PREPL: variants seen among roughly 807,000 people sequenced by gnomAD.
PREPL encodes the protein prolyl endopeptidase like, also known as prolyl endopeptidase-like.
In PREPL, 77 loss-of-function variants were observed where a neutral mutation model predicts 70.6. That is an observed-to-expected ratio of 1.09 (90% CI 0.91 to 1.32). The LOEUF is 1.32. Ranked by LOEUF, PREPL falls within the 40% of genes most tolerant of loss-of-function variation. The pLI, the probability that PREPL is intolerant of heterozygous loss-of-function variation, is 0.00. For missense variants in PREPL, 1,002 were observed against 778.2 expected, an observed-to-expected ratio of 1.29 and a Z score of -3.42; for synonymous variants, 315 against 264.8, an observed-to-expected ratio of 1.19 and a Z score of -1.84.
chr2:44,326,239 C>T (rs972532445), intron 10 of PREPL, among the ~76,000 whole-genome samples: 16 of 152,106 alleles, frequency 1.1e-4, no homozygotes, highest in African/African-American at 2.9e-4. Context: ...ATAAAGAACA[C>T]TGTATCAGAG....
chr2:44,348,392 T>C (rs1558513752), intron 1 of PREPL, among the ~76,000 whole-genome samples: 1 of 152,336 alleles, frequency 6.6e-6, no homozygotes, highest in South Asian at 2.1e-4. Context: ...AACTGTAAAA[T>C]AGCAATAGGA....
intron 4 of PREPL, 128 bp from the exon 5 acceptor site, chr2:44,342,680 A>C: frequency 1.4e-6 from 1 of 740,018 alleles, no homozygotes; most frequent in East Asian, 2.7e-5. Flanking sequence ...GGAAATCTAA[A>C]TATTTGACTG....
intron 10 of PREPL, among the ~76,000 whole-genome samples, chr2:44,324,023 A>T (rs577688761): frequency 1.9e-4 from 29 of 152,384 alleles, no homozygotes; most frequent in Non-Finnish European, 4.0e-4. Context: ...AAGCAACTCA[A>T]GTGTCCATTA....
At position 44,327,638 on chromosome 2, in the gene PREPL, G is replaced by A. The variant is rs527590637; in HGVS notation, c.1263-710C>T. On this transcript the variant is annotated intron_variant, in intron 9 of 13. Coordinates refer to ENST00000409411, the MANE Select transcript of PREPL (RefSeq NM_001171613.2). ...CATTTTGGTAGGCTGAGGTGAGCAG[G>A]TCACTTGAGGTCAGGAGTTTGAGAC... 2.6e-5 allele frequency among the ~76,000 whole-genome samples: 4 copies of A among 152,196 alleles called. No individual in the cohort carries two copies. In the East Asian group the frequency reaches 5.8e-4, roughly 22 times the overall value.
chr2:44,353,400 C>T (rs960575576), intron 1 of PREPL, among the ~76,000 whole-genome samples: 1 of 151,882 alleles, frequency 6.6e-6, no homozygotes, highest in Non-Finnish European at 1.5e-5. Context: ...GCCTGGCCAA[C>T]ATGGTGAAAC....
At chr2:44,331,785 G>A (rs1402074466) in intron 8 of PREPL, among the ~76,000 whole-genome samples, 1 of 152,102 alleles carries the variant, frequency 6.6e-6, no homozygotes, top group African/African-American at 2.4e-5. Context: ...TGCTCCATGA[G>A]GGCAGGGACT....
chr2:44,333,858 C>T (rs996050223), intron 7 of PREPL, among the ~76,000 whole-genome samples: 1 of 152,124 alleles, frequency 6.6e-6, no homozygotes, highest in African/African-American at 2.4e-5. Context: ...AGCACTGCTA[C>T]AAACCTCATA....
At chr2:44,331,171 G>A (rs906134833) in intron 8 of PREPL, among the ~76,000 whole-genome samples, 2 of 152,104 alleles carry the variant, frequency 1.3e-5, no homozygotes, top group Non-Finnish European at 2.9e-5. Flanking sequence ...TCTAACTTCT[G>A]GGCTCAAGTG....
intron 7 of PREPL, among the ~76,000 whole-genome samples, chr2:44,335,412 A>G (rs1168105053): frequency 6.6e-6 from 1 of 152,200 alleles, no homozygotes; most frequent in African/African-American, 2.4e-5. Flanking sequence ...TCTTATTCAT[A>G]CAGACTGAAA....
At chr2:44,337,116 T>C (rs964253712) in intron 7 of PREPL, among the ~76,000 whole-genome samples, 21 of 152,300 alleles carry the variant, frequency 1.4e-4, no homozygotes, top group African/African-American at 4.8e-4. Flanking sequence ...CAGAAATGTA[T>C]AGCGCTTTAA....
intron 1 of PREPL, among the ~76,000 whole-genome samples, chr2:44,347,740 C>A (rs1287770566): frequency 6.6e-6 from 1 of 152,200 alleles, no homozygotes; most frequent in Non-Finnish European, 1.5e-5. Context: ...AGAGGGGGGA[C>A]TTAAGTCTTT....
chr2:44,353,163 A>T (rs1053708756), intron 1 of PREPL, among the ~76,000 whole-genome samples: 5 of 152,214 alleles, frequency 3.3e-5, no homozygotes, highest in African/African-American at 7.2e-5. Flanking sequence ...ATTAAAAAAG[A>T]AAGGTACTGT....
chr2:44,339,081 A>G lies in PREPL; in HGVS notation c.702+66T>C, dbSNP rs1674941349. The G allele has an allele frequency of 6.9e-6, 11 of 1,586,268 alleles. No individual in the cohort carries two copies. In the Admixed American group the frequency reaches 8.7e-5, roughly 13 times the overall value. Reference sequence around the variant, plus strand: ...AAACAATGAGCTCTTGGAGCAAGAAATGTTGTTGATCGAAGTGTGACACTT... The same window carrying G: ...AAACAATGAGCTCTTGGAGCAAGAAGTGTTGTTGATCGAAGTGTGACACTT... On this transcript the variant is annotated intron_variant, in intron 6 of 13. Transcript: ENST00000409411.
chr2:44,324,890 AAAAACAAAAC>A (rs1009384860), intron 10 of PREPL, among the ~76,000 whole-genome samples: 5 of 152,194 alleles, frequency 3.3e-5, no homozygotes, highest in African/African-American at 9.7e-5. Context: ...CTCTGACTCA[AAAAACAAAAC>A]AAAACAAAAC....
At chr2:44,333,737 G>C (rs1674356855) in intron 7 of PREPL, among the ~76,000 whole-genome samples, 1 of 152,102 alleles carries the variant, frequency 6.6e-6, no homozygotes, top group African/African-American at 2.4e-5. Context: ...AGGATAACTT[G>C]TCTATTTAAA....
chr2:44,345,057 TAC>T (rs544059325), intron 2 of PREPL, among the ~76,000 whole-genome samples: 3 of 152,196 alleles, frequency 2.0e-5, no homozygotes, highest in Non-Finnish European at 4.4e-5. Context: ...CCAACAACTA[TAC>T]ACAGTCTTGA....
chr2:44,361,006 C>T (rs1001747984), intron 1 of PREPL, among the ~76,000 whole-genome samples: 2 of 152,048 alleles, frequency 1.3e-5, no homozygotes, highest in African/African-American at 4.8e-5. Flanking sequence ...GGGAGCAACA[C>T]TAGTTTACTA....
chr2:44,328,983 G>C lies in PREPL; in HGVS notation c.1216C>G (p.Arg406Gly). The change falls in exon 9 of 14, where the codon CGG becomes GGG. Residue 406 changes from arginine to glycine, a missense_variant. Transcript: ENST00000409411. ...DLKMNFRPER[R>G]VLVDDGWILA... ...ATCCATCCATCATCCACCAGGACCC[G>C]CCTCTCAGGCCTGAAATTCATTTTC... 3.7e-6 allele frequency: 6 copies of C among 1,613,944 alleles called. No individual in the cohort carries two copies. Among genetic ancestry groups the C allele is most frequent in the Non-Finnish European group, 4.2e-6 (5 of 1,179,966 alleles).
At chr2:44,356,705 C>T (rs943943217) in intron 1 of PREPL, among the ~76,000 whole-genome samples, 12 of 152,134 alleles carry the variant, frequency 7.9e-5, no homozygotes, top group Non-Finnish European at 2.9e-5. Context: ...TGAAGAGTCC[C>T]CAAACTTTTA....
Sources: gnomAD v4.1 joint callset for allele counts (sites outside exome capture counted in the v4.1 genomes callset) on GRCh38, gnomAD v4.1.1 for gene constraint, MANE v1.5 for transcripts, NCBI Gene and HGNC (gene_info 2026-07-23, HGNC 2026-07-21) for gene names.